The following CCDC80 variants were observed in gnomAD, a reference collection of about 807,000 sequenced individuals.
The protein encoded by CCDC80 is coiled-coil domain-containing protein 80.
A neutral mutation model predicts 78.7 loss-of-function variants in CCDC80; 49 were observed. That is an observed-to-expected ratio of 0.62 (90% confidence interval 0.50 to 0.79). CCDC80 has a LOEUF of 0.79. Among genes scored for constraint, CCDC80 ranks in the 30% least tolerant of loss-of-function variants. The probability of loss-of-function intolerance (pLI) is 0.00; values close to 1 mark genes in which losing one functional copy is unlikely to be tolerated. For synonymous variants in CCDC80, 488 were observed against 447.0 expected, an observed-to-expected ratio of 1.09 and a Z score of -1.16; for missense variants, 1,205 against 1,198.6, an observed-to-expected ratio of 1.01 and a Z score of -0.08.
Position 112,601,703 on chromosome 3 carries a change from A to AG in CCDC80, c.*3713_*3714insC, listed in dbSNP as rs1935379687. On this transcript the variant is annotated 3_prime_UTR_variant, in exon 8 of 8. Coordinates refer to ENST00000206423, the MANE Select transcript of CCDC80 (RefSeq NM_199511.3). ...AAAAAAAGAAAAAAAAAAAGAGAAA[A>AG]AAAAGAAGCAGCAGCAACGAAAGGA... 1 of 10,840 alleles carries AG rather than the reference A, an allele frequency of 9.2e-5. No homozygotes were observed. Among genetic ancestry groups the AG allele is most frequent in the African/African-American group, 1.1e-4 (1 of 9,020 alleles). 0.7% of individuals were successfully genotyped at this position (10,840 alleles called of 1,614,324 possible). A position where few individuals can be genotyped will look rare whatever the true frequency, so the allele number is the denominator to read the frequency against.
At chr3:112,609,257 TC>T (rs1392714795) in intron 6 of CCDC80, among the ~76,000 whole-genome samples, 1 of 152,186 alleles carries the variant, frequency 6.6e-6, no homozygotes, top group Non-Finnish European at 1.5e-5. Flanking sequence ...TGCCTATATA[TC>T]CATATCCAAA....
At position 112,605,584 on chromosome 3, in the gene CCDC80, T is replaced by A; in HGVS notation, c.2686A>T (p.Met896Leu). 6.2e-7 allele frequency: 1 copy of A among 1,614,152 alleles called. No homozygotes were observed. The highest frequency in any genetic ancestry group is 8.5e-7 in the Non-Finnish European group (1 of 1,180,014). Residue 896 changes from methionine to leucine, a missense_variant, in exon 8 of 8, where the codon ATG (methionine) becomes TTG (leucine). By Grantham distance (15) the Met-to-Leu change is conservative. Transcript: ENST00000206423. ...GCCATTTCCTGTCTCCGAAGTTGCA[T>A]CGAATCAATTAAATCGTACACAATC... ...MVIVYDLIDS[M>L]QLRRQEMAIQ...
Position 112,630,260 on chromosome 3 carries a change from C to A in CCDC80, c.1888G>T (p.Ala630Ser). ...EGKRRLLLIT[A>S]PKAENNMYVQ... The stretch of plus-strand genomic sequence containing the variant: ...TACATATTGTTCTCAGCCTTGGGAG[C>A]AGTGATCAGCTGGAGGTGGGTGAAG... The change falls in exon 3 of 8, where the codon GCT becomes TCT. Residue 630 changes from alanine (A) to serine (S), a missense_variant. Physicochemically the swap from Ala to Ser is moderately conservative, Grantham distance 99. Transcript: ENST00000206423. 8.7e-6 allele frequency: 14 copies of A among 1,613,666 alleles called. No individual in the cohort carries two copies. Among genetic ancestry groups the A allele is most frequent in the Non-Finnish European group, 1.2e-5 (14 of 1,179,712 alleles).
chr3:112,623,198 C>T (rs1475066594), intron 3 of CCDC80, among the ~76,000 whole-genome samples: 2 of 152,194 alleles, frequency 1.3e-5, no homozygotes, highest in African/African-American at 4.8e-5. Flanking sequence ...CAACCCCAAA[C>T]ATCAGCAGTC....
chr3:112,607,557 T>C (rs1012212707), intron 6 of CCDC80, among the ~76,000 whole-genome samples: 8 of 151,908 alleles, frequency 5.3e-5, no homozygotes, highest in Non-Finnish European at 1.0e-4. Flanking sequence ...GAGGCCGAGG[T>C]GGGCAGATCA....
chr3:112,607,740 C>T (rs1192093103), intron 6 of CCDC80, among the ~76,000 whole-genome samples: 3 of 152,086 alleles, frequency 2.0e-5, no homozygotes, highest in African/African-American at 4.8e-5. Flanking sequence ...GAGCCGAGAT[C>T]GCGCCACTGC....
At chr3:112,612,286 C>T (rs1297560642) in intron 5 of CCDC80, among the ~76,000 whole-genome samples, 1 of 152,098 alleles carries the variant, frequency 6.6e-6, no homozygotes, top group African/African-American at 2.4e-5. Flanking sequence ...ACCAGACTAG[C>T]CTTCCTGGCC....
rs753294186 is a variant in CCDC80, at chr3:112,616,878, A to G, written c.2173-20T>C. On this transcript the variant is annotated intron_variant, in intron 4 of 7. Transcript: ENST00000206423. ...GTATTGCTGTTTAAGAAAAAACAGA[A>G]TGCATTTAATGTACAAGTGCATTTC... The G allele has an allele frequency of 6.2e-6, 10 of 1,610,644 alleles. No homozygotes were observed. The Admixed American group carries it at 1.0e-4, about 16-fold the overall frequency.
chr3:112,630,383 C>T (rs903203201), intron 2 of CCDC80, 114 bp from the exon 3 acceptor site: 7 of 1,009,150 alleles, frequency 6.9e-6, no homozygotes, highest in Non-Finnish European at 7.5e-6. Flanking sequence ...ATCTAAGCTA[C>T]AAATGTTCTG....
At position 112,599,257 on chromosome 3, in the gene CCDC80, T is replaced by C. The variant is rs1935335051; in HGVS notation, c.*6160A>G. ...TACCCATTTCTGTGTATCATTTCAT[T>C]GATTTCTGTGACAGCTGGCCCTTTG... On this transcript the variant is annotated 3_prime_UTR_variant, in exon 8 of 8. Transcript: ENST00000206423. The C allele has an allele frequency of 6.6e-6, 1 of 152,206 alleles. No homozygotes were observed. Among genetic ancestry groups the C allele is most frequent in the East Asian group, 1.9e-4 (1 of 5,194 alleles). The allele number at this position is 152,206 out of a possible 1,614,324, so 9.4% of individuals were successfully genotyped here. A position where few individuals can be genotyped will look rare whatever the true frequency, so the allele number is the denominator to read the frequency against.
Position 112,639,193 on chromosome 3 carries a change from A to G in CCDC80, c.713T>C (p.Leu238Pro). ...LEKGKFGMVLLKKTLQVEERY... is the reference protein window; with the variant it reads ...LEKGKFGMVLPKKTLQVEERY... ...CTCCTCCACCTGCAGCGTCTTCTTC[A>G]GCAGCACCATGCCAAACTTGCCCTT... Residue 238 changes from leucine to proline, a missense_variant, in exon 2 of 8, where the codon CTG (leucine) becomes CCG (proline). Coordinates refer to ENST00000206423, the MANE Select transcript of CCDC80 (RefSeq NM_199511.3). 1 of 1,614,136 alleles carries G rather than the reference A, an allele frequency of 6.2e-7. No homozygotes were observed.
intron 3 of CCDC80, 126 bp downstream of exon 3, chr3:112,629,987 A>G: frequency 4.8e-6 from 4 of 840,406 alleles, no homozygotes; most frequent in Non-Finnish European, 7.4e-6. Flanking sequence ...GACCTGTGTT[A>G]TCACAACCAA....
chr3:112,634,438 A>G (rs1175575495), intron 2 of CCDC80, among the ~76,000 whole-genome samples: 1 of 152,140 alleles, frequency 6.6e-6, no homozygotes, highest in Non-Finnish European at 1.5e-5. Context: ...TACTCCCCAT[A>G]GTACAATGTT....
intron 4 of CCDC80, among the ~76,000 whole-genome samples, chr3:112,618,107 C>T (rs556760499): frequency 1.2e-4 from 19 of 152,254 alleles, no homozygotes; most frequent in African/African-American, 4.3e-4. Flanking sequence ...GAAGAAAGTG[C>T]CAGGCATAAG....
intron 5 of CCDC80, 114 bp from the exon 6 acceptor site, chr3:112,610,195 AAAG>A: frequency 1.2e-6 from 1 of 838,730 alleles, no homozygotes; most frequent in Non-Finnish European, 2.0e-6. Flanking sequence ...AGAAAAAAAA[AAAG>A]AAAAAAACAG....
chr3:112,618,705 T>A (rs1407066889), intron 4 of CCDC80, among the ~76,000 whole-genome samples: 1 of 152,178 alleles, frequency 6.6e-6, no homozygotes, highest in East Asian at 1.9e-4. Flanking sequence ...GTCTTATGAA[T>A]GTAAAACATT....
chr3:112,614,341 G>A (rs1470384266), intron 5 of CCDC80, among the ~76,000 whole-genome samples: 1 of 152,088 alleles, frequency 6.6e-6, no homozygotes, highest in African/African-American at 2.4e-5. Context: ...TTTGTAACTT[G>A]AAGTATATTT....
rs11305336 is a variant in CCDC80 at position 112,610,085 on chromosome 3, GA to G, written c.2322-5del. 12,451 of 1,600,212 alleles carry G rather than the reference GA, an allele frequency of 7.8e-3. 514 individuals are homozygous for G. In the African/African-American group the frequency reaches 0.11, roughly 14 times the overall value. On this transcript the variant is annotated splice_region_variant and splice_polypyrimidine_tract_variant and intron_variant, in intron 5 of 7. Coordinates refer to ENST00000206423, the MANE Select transcript of CCDC80 (RefSeq NM_199511.3). ...CAACCTCCTCCTCCACCGGAACCTG[GA>G]AAAAAAAAGCAGGACACCATTACTG...
chr3:112,616,606 ACT>A, intron 5 of CCDC80, 102 bp downstream of exon 5: 1 of 1,311,418 alleles, frequency 7.6e-7, no homozygotes. Flanking sequence ...AAGGAGGATT[ACT>A]CTCTGTAAAC....
Sources: gnomAD v4.1 joint callset for allele counts (sites outside exome capture counted in the v4.1 genomes callset) on GRCh38, gnomAD v4.1.1 for gene constraint, MANE v1.5 for transcripts, NCBI Gene and HGNC (gene_info 2026-07-23, HGNC 2026-07-21) for gene names.